GRIA1: variants seen among roughly 807,000 people sequenced by gnomAD.
GRIA1 encodes glutamate receptor 1.
GRIA1 carries 31 observed loss-of-function variants against 99.2 expected under a neutral mutation model. The ratio of observed to expected loss-of-function variants is 0.31; its 90% CI spans 0.23 to 0.42. The LOEUF (loss-of-function observed/expected upper bound fraction) is 0.42, where lower values mean the gene tolerates loss of function less well. Among genes scored for constraint, GRIA1 ranks in the 10% least tolerant of loss-of-function variants. The pLI, the probability that GRIA1 is intolerant of heterozygous loss-of-function variation, is 1.00. For missense variants in GRIA1, 782 were observed against 1,157.5 expected, an observed-to-expected ratio of 0.68 and a Z score of 4.71; for synonymous variants, 438 against 432.4, an observed-to-expected ratio of 1.01 and a Z score of -0.16.
At chr5:153,573,405 G>A (rs1762284604) in intron 2 of GRIA1, 1 of 152,188 alleles carries the variant, frequency 6.6e-6, no homozygotes. Flanking sequence ...GGATGATTAA[G>A]TCGGATGATT....
In GRIA1 at chr5:153,508,198, A is replaced by G. The variant is rs185711147; in HGVS notation, c.220+14133A>G. The stretch of plus-strand genomic sequence containing the variant: ...GACAGGCATCACCTGAAGAGATGAT[A>G]TTTTAACTGAGCCTTGTTGCAATCC... On this transcript the variant is annotated intron_variant, in intron 2 of 15. Coordinates refer to ENST00000285900, the MANE Select transcript of GRIA1 (RefSeq NM_000827.4). 1.1e-4 allele frequency among the ~76,000 whole-genome samples: 17 copies of G among 152,314 alleles called. No individual in the cohort carries two copies. The East Asian group carries it at 3.3e-3, about 29-fold the overall frequency.
At chr5:153,541,928 C>CAAAAAAAAAAAAAAAAAAAAAAAAAAA (rs57442019) in intron 2 of GRIA1, among the ~76,000 whole-genome samples, 1 of 97,434 alleles carries the variant, frequency 1.0e-5, no homozygotes, top group Non-Finnish European at 2.0e-5. Context: ...GATCCTGTTT[C>CAAAAAAAAAAAAAAAAAAAAAAAAAAA]AAAAAAAAAA....
intron 2 of GRIA1, among the ~76,000 whole-genome samples, chr5:153,624,526 T>A (rs1449409629): frequency 6.6e-6 from 1 of 152,212 alleles, no homozygotes; most frequent in Non-Finnish European, 1.5e-5. Context: ...CCCTTGAGAC[T>A]TGTTCACCTT....
rs149431629 is a variant in GRIA1 at position 153,738,799 on chromosome 5, C to T, written c.1824-25635C>T. On this transcript the variant is annotated intron_variant, in intron 11 of 15. Coordinates refer to ENST00000285900, the MANE Select transcript of GRIA1 (RefSeq NM_000827.4). ...ATGCAATGGTGCGATCTCGGCTCAC[C>T]GCAACCTCCGCCTCCCAGGTTCAAG... Among the ~76,000 whole-genome samples the T allele has an allele frequency of 9.3e-3, 1,354 of 145,184 alleles. 7 individuals carry two copies. Among genetic ancestry groups the T allele is most frequent in the South Asian group, 0.015 (65 of 4,366 alleles).
intron 11 of GRIA1, among the ~76,000 whole-genome samples, chr5:153,721,535 G>T (rs543366438): frequency 6.6e-6 from 1 of 152,166 alleles, no homozygotes; most frequent in South Asian, 2.1e-4. Flanking sequence ...CCCATGACAG[G>T]AGTAGCCGCT....
At chr5:153,656,467 A>T (rs1754973391) in intron 5 of GRIA1, among the ~76,000 whole-genome samples, 1 of 146,856 alleles carries the variant, frequency 6.8e-6, no homozygotes, top group Non-Finnish European at 1.5e-5. Flanking sequence ...TTTTTATATT[A>T]CAAAGAAAAC....
At chr5:153,594,569 G>A (rs1301282896) in intron 2 of GRIA1, among the ~76,000 whole-genome samples, 1 of 151,572 alleles carries the variant, frequency 6.6e-6, no homozygotes, top group African/African-American at 2.4e-5. Context: ...CCTAAATTGT[G>A]CTTGTTTCCC....
At chr5:153,505,865 G>A (rs1396951214) in intron 2 of GRIA1, among the ~76,000 whole-genome samples, 4 of 152,212 alleles carry the variant, frequency 2.6e-5, no homozygotes, top group Non-Finnish European at 5.9e-5. Context: ...CTATGGTAGA[G>A]AAGAACACCT....
In GRIA1 at chr5:153,699,577, C is replaced by A. The variant is rs1054841816; in HGVS notation, c.1452+504C>A. Among the ~76,000 whole-genome samples, 3 of 152,198 alleles carry A rather than the reference C, an allele frequency of 2.0e-5. No homozygotes were observed. In the East Asian group the frequency reaches 5.8e-4, roughly 29 times the overall value. The stretch of plus-strand genomic sequence containing the variant: ...CCCCTAAGATACTACTCCTTCAAAA[C>A]CTATATCAAATAATACTTTTTTCAG... On this transcript the variant is annotated intron_variant, in intron 10 of 15. Coordinates refer to ENST00000285900, the MANE Select transcript of GRIA1 (RefSeq NM_000827.4).
chr5:153,512,392 TGA>T (rs1756179536), intron 2 of GRIA1, among the ~76,000 whole-genome samples: 1 of 152,228 alleles, frequency 6.6e-6, no homozygotes, highest in South Asian at 2.1e-4. Context: ...TTGGAGGCTC[TGA>T]GAAGGAAAAA....
intron 14 of GRIA1, among the ~76,000 whole-genome samples, chr5:153,799,944 C>T (rs1765896682): frequency 6.6e-6 from 1 of 152,178 alleles, no homozygotes; most frequent in African/African-American, 2.4e-5. Flanking sequence ...GTGAATGCTC[C>T]TCCTTGTAAA....
intron 11 of GRIA1, among the ~76,000 whole-genome samples, chr5:153,753,170 AAGAC>A (rs1438205894): frequency 2.0e-5 from 3 of 152,238 alleles, no homozygotes; most frequent in African/African-American, 7.2e-5. Context: ...TAGCCACCCT[AAGAC>A]AGACCTCTAA....
chr5:153,740,779 G>T (rs1053027483), intron 11 of GRIA1, among the ~76,000 whole-genome samples: 1 of 152,122 alleles, frequency 6.6e-6, no homozygotes, highest in Non-Finnish European at 1.5e-5. Context: ...TCACTACTGA[G>T]AAGAAGCTTT....
intron 2 of GRIA1, among the ~76,000 whole-genome samples, chr5:153,638,801 T>A (rs1263587360): frequency 6.6e-6 from 1 of 152,236 alleles, no homozygotes; most frequent in East Asian, 1.9e-4. Context: ...CACATTTTTA[T>A]GTACATTTAA....
At chr5:153,688,458 C>T (rs1446828860) in intron 8 of GRIA1, among the ~76,000 whole-genome samples, 2 of 152,238 alleles carry the variant, frequency 1.3e-5, no homozygotes, top group East Asian at 3.8e-4. Flanking sequence ...GCTCTTATAA[C>T]TTTCAATTTC....
At chr5:153,594,889 C>G (rs1313078698) in intron 2 of GRIA1, among the ~76,000 whole-genome samples, 1 of 152,008 alleles carries the variant, frequency 6.6e-6, no homozygotes, top group Non-Finnish European at 1.5e-5. Flanking sequence ...AGGTTTTACC[C>G]CATCCCATAC....
At chr5:153,504,582 C>A (rs1755317718) in intron 2 of GRIA1, among the ~76,000 whole-genome samples, 1 of 152,002 alleles carries the variant, frequency 6.6e-6, no homozygotes, top group African/African-American at 2.4e-5. Context: ...CAAGCACATA[C>A]AAGGGATTCT....
At chr5:153,644,917 T>C (rs182607243) in intron 2 of GRIA1, among the ~76,000 whole-genome samples, 97 of 151,288 alleles carry the variant, frequency 6.4e-4, no homozygotes, top group Non-Finnish European at 1.2e-3. Context: ...GAGAAGACGG[T>C]TGTAAGTTAG....
intron 11 of GRIA1, among the ~76,000 whole-genome samples, chr5:153,721,952 G>C (rs550241399): frequency 6.6e-6 from 1 of 152,186 alleles, no homozygotes; most frequent in Admixed American, 6.5e-5. Context: ...GTAGCATACA[G>C]ATTTAGACTC....
Sources: gnomAD v4.1 joint callset for allele counts (sites outside exome capture counted in the v4.1 genomes callset) on GRCh38, gnomAD v4.1.1 for gene constraint, MANE v1.5 for transcripts, NCBI Gene and HGNC (gene_info 2026-07-23, HGNC 2026-07-21) for gene names.